ZNF148: variants seen among roughly 807,000 people sequenced by gnomAD.
The protein encoded by ZNF148 is Beta-Enolase Repressor Factor-1.
ZNF148 carries 7 observed loss-of-function variants against 67.7 expected under a neutral mutation model. That is an observed-to-expected ratio of 0.10 (90% CI 0.06 to 0.19). The LOEUF is 0.19. Among genes scored for constraint, ZNF148 ranks in the 10% least tolerant of loss-of-function variants. The pLI is 1.00. For missense variants in ZNF148, 583 were observed against 947.1 expected (o/e 0.62, Z 5.05); for synonymous variants, 333 against 330.7 (o/e 1.01, Z -0.08).
chr3:125,260,614 GA>G (rs1937293729), intron 7 of ZNF148, among the ~76,000 whole-genome samples: 1 of 152,214 alleles, frequency 6.6e-6, no homozygotes, highest in African/African-American at 2.4e-5. Flanking sequence ...GTTGGTAGGA[GA>G]GGGGCTCACT....
chr3:125,368,597 G>C (rs1295790243), intron 1 of ZNF148, among the ~76,000 whole-genome samples: 1 of 152,152 alleles, frequency 6.6e-6, no homozygotes, highest in Non-Finnish European at 1.5e-5. Context: ...AAAGTAAAAA[G>C]ATCTGTCATC....
At chr3:125,259,064 G>A (rs1347723504) in intron 7 of ZNF148, among the ~76,000 whole-genome samples, 1 of 152,054 alleles carries the variant, frequency 6.6e-6, no homozygotes, top group African/African-American at 2.4e-5. Flanking sequence ...AAAGTACTAA[G>A]AGGCCTTTTG....
chr3:125,353,566 G>A (rs1241499676), intron 1 of ZNF148, among the ~76,000 whole-genome samples: 1 of 152,108 alleles, frequency 6.6e-6, no homozygotes, highest in Non-Finnish European at 1.5e-5. Context: ...ACAGGACTAT[G>A]TACTAATTTT....
chr3:125,334,428 T>G (rs6808899), intron 1 of ZNF148, among the ~76,000 whole-genome samples: 1 of 152,054 alleles, frequency 6.6e-6, no homozygotes, highest in Non-Finnish European at 1.5e-5. Context: ...AAGAAATTTA[T>G]CATAGAAAAA....
At chr3:125,243,868 A>G (rs1418105705) in intron 7 of ZNF148, among the ~76,000 whole-genome samples, 1 of 152,066 alleles carries the variant, frequency 6.6e-6, no homozygotes, top group Admixed American at 6.6e-5. Flanking sequence ...ACTGATATCT[A>G]TTTTTCCTGA....
In ZNF148 at chr3:125,226,954, C is replaced by T. The variant is rs1935664573; in HGVS notation, c.*5387G>A. The T allele has an allele frequency of 6.6e-6, 1 of 152,022 alleles. No individual in the cohort carries two copies. Among genetic ancestry groups the T allele is most frequent in the African/African-American group, 2.4e-5 (1 of 41,384 alleles). 9.4% of individuals were successfully genotyped at this position (152,022 alleles called of 1,614,324 possible). A position where few individuals can be genotyped will look rare whatever the true frequency, so the allele number is the denominator to read the frequency against. On this transcript the variant is annotated 3_prime_UTR_variant, in exon 9 of 9. Transcript: ENST00000360647. ...CCTGAGTAGATTTTAAAATTTAGTG[C>T]TCCTATTTTTTGGGGGAGAGGGGAA... is the stretch of plus-strand genomic sequence containing the variant.
intron 2 of ZNF148, among the ~76,000 whole-genome samples, chr3:125,326,422 A>G (rs1213136113): frequency 6.6e-6 from 1 of 151,978 alleles, no homozygotes; most frequent in Non-Finnish European, 1.5e-5. Context: ...TATCTTACTG[A>G]TAATAAGCAG....
At chr3:125,309,405 T>G (rs997640438) in intron 4 of ZNF148, among the ~76,000 whole-genome samples, 1 of 152,056 alleles carries the variant, frequency 6.6e-6, no homozygotes, top group Admixed American at 6.5e-5. Context: ...GTTACCATAA[T>G]GAAAAATCAC....
intron 2 of ZNF148, among the ~76,000 whole-genome samples, chr3:125,327,319 ATAAG>A (rs554724930): frequency 1.5e-4 from 23 of 150,316 alleles, no homozygotes; most frequent in Non-Finnish European, 2.5e-4. Context: ...CCCACTCTAA[ATAAG>A]TGACAGAATA....
chr3:125,360,813 T>C (rs1184936693), intron 1 of ZNF148, among the ~76,000 whole-genome samples: 1 of 149,168 alleles, frequency 6.7e-6, no homozygotes, highest in Non-Finnish European at 1.5e-5. Context: ...ACCACATCTC[T>C]TTAAAAAAAA....
chr3:125,309,346 A>G (rs1016133129), intron 4 of ZNF148, among the ~76,000 whole-genome samples: 13 of 152,236 alleles, frequency 8.5e-5, no homozygotes, highest in Admixed American at 2.6e-4. Flanking sequence ...ATACCTTAAA[A>G]TATAATGACA....
intron 1 of ZNF148, among the ~76,000 whole-genome samples, chr3:125,361,897 A>G (rs552301923): frequency 6.6e-6 from 1 of 151,820 alleles, no homozygotes; most frequent in Admixed American, 6.6e-5. Flanking sequence ...CCTTTTCTTT[A>G]TCCACAACTA....
intron 4 of ZNF148, among the ~76,000 whole-genome samples, chr3:125,297,216 T>C (rs1220171160): frequency 6.6e-6 from 1 of 152,096 alleles, no homozygotes; most frequent in Non-Finnish European, 1.5e-5. Flanking sequence ...GAAATCTCTA[T>C]GGGTAAGTTT....
intron 3 of ZNF148, among the ~76,000 whole-genome samples, chr3:125,315,707 CAA>C (rs35145293): frequency 1.8e-5 from 2 of 113,392 alleles, no homozygotes; most frequent in African/African-American, 3.8e-5. Flanking sequence ...GACTCCATCT[CAA>C]AAAAAAAAAA....
intron 7 of ZNF148, 147 bp downstream of exon 7, chr3:125,277,579 G>T (rs774372544): frequency 9.5e-6 from 6 of 629,782 alleles, no homozygotes; most frequent in Non-Finnish European, 1.6e-5. Flanking sequence ...AGTTAACATT[G>T]ATTTATTGAA....
chr3:125,323,811 T>C (rs1940894360), intron 2 of ZNF148, among the ~76,000 whole-genome samples: 1 of 151,856 alleles, frequency 6.6e-6, no homozygotes, highest in Non-Finnish European at 1.5e-5. Flanking sequence ...ATACAAAAAA[T>C]TAGCCAGGCG....
chr3:125,276,726 GC>G (rs1414889935), intron 7 of ZNF148, among the ~76,000 whole-genome samples: 1 of 152,026 alleles, frequency 6.6e-6, no homozygotes, highest in African/African-American at 2.4e-5. Context: ...GAGCCACTGA[GC>G]CCAGCCCAGT....
intron 2 of ZNF148, among the ~76,000 whole-genome samples, chr3:125,328,689 T>A (rs1941137187): frequency 6.6e-6 from 1 of 150,842 alleles, no homozygotes; most frequent in South Asian, 2.1e-4. Context: ...AATATACAAG[T>A]ATATAAAGAG....
intron 5 of ZNF148, among the ~76,000 whole-genome samples, chr3:125,280,679 CAA>C (rs10709074): frequency 7.7e-4 from 93 of 121,206 alleles, no homozygotes; most frequent in Non-Finnish European, 7.5e-4. Context: ...AAACCCATCT[CAA>C]AAAAAAAAAA....
Sources: gnomAD v4.1 joint callset for allele counts (sites outside exome capture counted in the v4.1 genomes callset) on GRCh38, gnomAD v4.1.1 for gene constraint, MANE v1.5 for transcripts, NCBI Gene and HGNC (gene_info 2026-07-23, HGNC 2026-07-21) for gene names.